PIWIL3: variants seen among roughly 807,000 people sequenced by gnomAD.
PIWIL3 encodes piwi like RNA-mediated gene silencing 3.
In PIWIL3, 101 loss-of-function variants were observed where a neutral mutation model predicts 109.7. That is an observed-to-expected ratio of 0.92 (90% CI 0.78 to 1.09). PIWIL3 has a LOEUF of 1.09. Ranked by LOEUF, PIWIL3 falls within the 50% of genes least tolerant of loss-of-function variation. PIWIL3 has a pLI of 0.00. For missense variants in PIWIL3, 1,031 were observed against 1,072.6 expected (o/e 0.96, Z 0.54); for synonymous variants, 373 against 376.4 (o/e 0.99, Z 0.10).
At chr22:24,749,146 A>G in intron 11 of PIWIL3, 125 bp from the exon 12 acceptor site, 1 of 855,924 alleles carries the variant, frequency 1.2e-6, no homozygotes, top group Non-Finnish European at 1.8e-6. Flanking sequence ...GAGATGCGGC[A>G]GTACCTTCCC....
chr22:24,770,545 A>G (rs1240160969), intron 1 of PIWIL3, among the ~76,000 whole-genome samples: 1 of 151,692 alleles, frequency 6.6e-6, no homozygotes, highest in Non-Finnish European at 1.5e-5. Flanking sequence ...AAGCATGGCC[A>G]GGCACAGTGG....
At chr22:24,738,119 C>G (rs935177126) in intron 12 of PIWIL3, among the ~76,000 whole-genome samples, 1 of 152,048 alleles carries the variant, frequency 6.6e-6, no homozygotes, top group Non-Finnish European at 1.5e-5. Flanking sequence ...CCACTGCACT[C>G]CAGCCTAGGC....
Position 24,765,391 on chromosome 22 carries a change from T to C in PIWIL3, c.-22-2870A>G, listed in dbSNP as rs1925726824. On this transcript the variant is annotated intron_variant, in intron 1 of 20. Coordinates refer to ENST00000616349, the MANE Select transcript of PIWIL3 (RefSeq NM_001255975.1). ...ACTCTATTGTCATGGGGATCAATCT[T>C]CACTAAACTTGAAGCAGTCGTAGCT... Among the ~76,000 whole-genome samples the C allele has an allele frequency of 3.3e-5, 5 of 152,236 alleles. No homozygotes were observed. The South Asian group carries it at 1.0e-3, about 32-fold the overall frequency.
chr22:24,755,519 G>A (rs1440804651), intron 6 of PIWIL3, among the ~76,000 whole-genome samples: 2 of 152,162 alleles, frequency 1.3e-5, no homozygotes, highest in East Asian at 3.8e-4. Context: ...ACACAGATGT[G>A]CACAGCTGAT....
At chr22:24,726,581 G>A (rs1017339244) in intron 16 of PIWIL3, among the ~76,000 whole-genome samples, 7 of 152,218 alleles carry the variant, frequency 4.6e-5, no homozygotes, top group East Asian at 3.9e-4. Flanking sequence ...CGCCGCACCC[G>A]GCGGTATTGG....
Position 24,755,769 on chromosome 22 carries a change from A to G in PIWIL3, c.692+15T>C. The G allele has an allele frequency of 6.2e-7, 1 of 1,613,784 alleles. No homozygotes were observed. The highest frequency in any genetic ancestry group is 8.5e-7 in the Non-Finnish European group (1 of 1,179,810). On this transcript the variant is annotated intron_variant, in intron 6 of 20. Coordinates refer to ENST00000616349, the MANE Select transcript of PIWIL3 (RefSeq NM_001255975.1). ...ACCGAATGAGTATCAAAGAAACTCA[A>G]CCCCGGTAACATACCTTCTAAAGAG...
In PIWIL3 at chr22:24,725,453, CA is replaced by C. The variant is rs746291637; in HGVS notation, c.2071del (p.Cys691AlafsTer2). The C allele has an allele frequency of 6.2e-7, 1 of 1,613,874 alleles. No homozygotes were observed. The highest frequency in any genetic ancestry group is 1.1e-5 in the South Asian group (1 of 91,092). ...GEELVKELEI[C>X]LKAALDVWCK... The stretch of plus-strand genomic sequence containing the variant: ...CGCTACAAGACACTGACCTTTCAAG[CA>C]GATCTCCAGCTCTTTCACAAGCTCT... On this transcript the variant is annotated frameshift_variant, in exon 17 of 21. Coordinates refer to ENST00000616349, the MANE Select transcript of PIWIL3 (RefSeq NM_001255975.1). LOFTEE classifies it high-confidence loss of function.
Position 24,759,893 on chromosome 22 carries a change from C to T in PIWIL3, c.199G>A (p.Ala67Thr), listed in dbSNP as rs753366238. Residue 67 changes from alanine (A) to threonine (T), a missense_variant, in exon 3 of 21, where the codon GCA becomes ACA. Ala to Thr is a moderately conservative substitution (Grantham distance 58, BLOSUM62 0). Transcript: ENST00000616349. Reference protein sequence around the residue: ...PLQPRAARGGAGGGAQSQGVK... With the variant: ...PLQPRAARGGTGGGAQSQGVK... Reference sequence around the variant, plus strand: ...CCTTGAGACTGTGCTCCTCCTCCTGCTCCTCCTCTTGCTGCTCTTGGCTGC... The same window carrying T: ...CCTTGAGACTGTGCTCCTCCTCCTGTTCCTCCTCTTGCTGCTCTTGGCTGC... 6.2e-6 allele frequency: 10 copies of T among 1,602,356 alleles called. No homozygotes were observed. Among genetic ancestry groups the T allele is most frequent in the South Asian group, 5.5e-5 (5 of 90,780 alleles).
intron 14 of PIWIL3, among the ~76,000 whole-genome samples, chr22:24,732,185 A>G (rs1284434332): frequency 6.6e-6 from 1 of 152,176 alleles, no homozygotes; most frequent in African/African-American, 2.4e-5. Context: ...TTTCTTACAC[A>G]GCCTTGTTCT....
chr22:24,730,997 T>TAAGTTAAATATTAACAGCTAA (rs1923316472), intron 14 of PIWIL3, among the ~76,000 whole-genome samples: 2 of 152,204 alleles, frequency 1.3e-5, no homozygotes, highest in East Asian at 3.8e-4. Context: ...ACTGAGTGGT[T>TAAGTTAAATATTAACAGCTAA]AAGTTAAATA....
At chr22:24,770,678 A>T (rs9608333) in intron 1 of PIWIL3, among the ~76,000 whole-genome samples, 2,652 of 142,460 alleles carry the variant, frequency 0.019, 59 homozygotes, top group Non-Finnish European at 0.03. Context: ...AAAAAAAAAA[A>T]ACAAAAATTA....
chr22:24,757,458 GA>G (rs1342702558), intron 4 of PIWIL3, among the ~76,000 whole-genome samples: 2 of 152,122 alleles, frequency 1.3e-5, no homozygotes, highest in Non-Finnish European at 2.9e-5. Flanking sequence ...AGTGATGACA[GA>G]AGCTTTCCAG....
chr22:24,725,698 G>T (rs1601822750), intron 16 of PIWIL3, among the ~76,000 whole-genome samples, 183 bp from the exon 17 acceptor site: 1 of 152,180 alleles, frequency 6.6e-6, no homozygotes, highest in Admixed American at 6.5e-5. Flanking sequence ...AGAAAATTTT[G>T]AGTGCATACA....
Position 24,719,420 on chromosome 22 carries a change from G to T in PIWIL3, c.*52C>A. On this transcript the variant is annotated 3_prime_UTR_variant, in exon 21 of 21. Coordinates refer to ENST00000616349, the MANE Select transcript of PIWIL3 (RefSeq NM_001255975.1). ...TTCAGACATCCTGCTTCAAAAGGAA[G>T]ACAGGCTTACACGTTGTGGTTTCAT... 1 of 1,327,484 alleles carries T rather than the reference G, an allele frequency of 7.5e-7. No individual in the cohort carries two copies. The highest frequency in any genetic ancestry group is 1.0e-6 in the Non-Finnish European group (1 of 966,030). 82.2% of individuals were successfully genotyped at this position (1,327,484 alleles called of 1,614,324 possible).
At chr22:24,755,315 G>A (rs1601844950) in intron 6 of PIWIL3, among the ~76,000 whole-genome samples, 1 of 152,084 alleles carries the variant, frequency 6.6e-6, no homozygotes, top group African/African-American at 2.4e-5. Context: ...TAGAGGAGGG[G>A]TTTCACCATG....
At chr22:24,772,313 T>G (rs952630157) in intron 1 of PIWIL3, among the ~76,000 whole-genome samples, 3 of 152,212 alleles carry the variant, frequency 2.0e-5, no homozygotes, top group Non-Finnish European at 4.4e-5. Context: ...GTCTGCATAA[T>G]AGGAGCTCAT....
chr22:24,770,936 G>A (rs960904261), intron 1 of PIWIL3, among the ~76,000 whole-genome samples: 11 of 151,890 alleles, frequency 7.2e-5, no homozygotes, highest in Admixed American at 3.3e-4. Context: ...GGATGGTCTC[G>A]AGGAGGATAA....
intron 1 of PIWIL3, among the ~76,000 whole-genome samples, chr22:24,767,055 C>T (rs1049718501): frequency 6.6e-6 from 1 of 151,946 alleles, no homozygotes; most frequent in Admixed American, 6.6e-5. Context: ...ACAGGAGGAT[C>T]GCTTGAGCCT....
At chr22:24,746,349 G>C (rs1924367710) in intron 12 of PIWIL3, among the ~76,000 whole-genome samples, 1 of 152,112 alleles carries the variant, frequency 6.6e-6, no homozygotes, top group Admixed American at 6.5e-5. Context: ...ATGCTGAGCA[G>C]CATTTATTAA....
Sources: allele counts gnomAD v4.1 joint callset (sites outside exome capture counted in the v4.1 genomes callset), GRCh38; gene constraint gnomAD v4.1.1; transcripts MANE v1.5; gene names NCBI Gene and HGNC (gene_info 2026-07-23, HGNC 2026-07-21).